The following BLTP1 variants were observed in gnomAD, a reference collection of about 807,000 sequenced individuals.
The protein encoded by BLTP1 is bridge-like lipid transfer protein family member 1.
chr4:122,308,769 A>G, the BLTP1 span, among the ~76,000 whole-genome samples: 1 of 152,164 alleles, frequency 6.6e-6, no homozygotes, highest in Non-Finnish European at 1.5e-5. Flanking sequence ...ACAATAGCAT[A>G]TAGAGATCTA....
At chr4:122,336,451 A>T in the BLTP1 span, 2 of 789,736 alleles carry the variant, frequency 2.5e-6, no homozygotes, top group Non-Finnish European at 3.7e-6. Flanking sequence ...TACATAATAT[A>T]TGCAATTATA....
At chr4:122,206,551 T>C in the BLTP1 span, among the ~76,000 whole-genome samples, 1 of 151,894 alleles carries the variant, frequency 6.6e-6, no homozygotes, top group African/African-American at 2.4e-5. Context: ...ATGTAAAATA[T>C]CTTTTACAAA....
chr4:122,316,286 T>C, the BLTP1 span: 13 of 410,906 alleles, frequency 3.2e-5, no homozygotes, highest in Non-Finnish European at 5.5e-5. Flanking sequence ...TATTATACCA[T>C]GAAATAGTTT....
At chr4:122,258,175 A>T in the BLTP1 span, among the ~76,000 whole-genome samples, 1 of 152,174 alleles carries the variant, frequency 6.6e-6, no homozygotes, top group South Asian at 2.1e-4. Context: ...TATTATCATG[A>T]CCTATCATAT....
At chr4:122,325,897 C>A in the BLTP1 span, 3 of 1,162,090 alleles carry the variant, frequency 2.6e-6, no homozygotes, top group Non-Finnish European at 3.4e-6. Flanking sequence ...ATCCAGCTGT[C>A]CTGGGGAAGG....
the BLTP1 span, chr4:122,182,995 A>G: frequency 2.0e-6 from 2 of 984,932 alleles, no homozygotes; most frequent in South Asian, 4.7e-5. Flanking sequence ...CATTTTAATG[A>G]GATGTAATAT....
chr4:122,162,542 A>C, the BLTP1 span: 3 of 985,402 alleles, frequency 3.0e-6, no homozygotes, highest in South Asian at 1.4e-4. Flanking sequence ...AGTTAATCAA[A>C]TCTTGCTGAG....
chr4:122,224,361 A>T, the BLTP1 span: 1 of 932,830 alleles, frequency 1.1e-6, no homozygotes, highest in Non-Finnish European at 1.6e-6. Context: ...AGGTTGTGTT[A>T]GGAGCTTGTG....
At chr4:122,335,708 C>G in the BLTP1 span, among the ~76,000 whole-genome samples, 11 of 152,054 alleles carry the variant, frequency 7.2e-5, no homozygotes, top group Admixed American at 3.9e-4. Context: ...TTAGCCAAAG[C>G]TAACTAAGTC....
At chr4:122,231,894 T>C in the BLTP1 span, 1 of 840,758 alleles carries the variant, frequency 1.2e-6, no homozygotes, top group African/African-American at 1.8e-5. Flanking sequence ...ACATTAATCT[T>C]TTAAATTAAT....
chr4:122,259,983 T>C, the BLTP1 span: 1 of 772,056 alleles, frequency 1.3e-6, no homozygotes. Context: ...AAGTAATATA[T>C]AGTCATGCAT....
At chr4:122,247,894 G>T in the BLTP1 span, 40 of 968,614 alleles carry the variant, frequency 4.1e-5, no homozygotes, top group African/African-American at 6.7e-4. Context: ...TTATCATTTA[G>T]ATGCTTAAAT....
chr4:122,342,606 G>A, the BLTP1 span, among the ~76,000 whole-genome samples: 1 of 152,028 alleles, frequency 6.6e-6, no homozygotes, highest in Admixed American at 6.6e-5. Context: ...TGCCCACTTC[G>A]GCCTCCCAGA....
the BLTP1 span, chr4:122,193,540 A>G: frequency 2.4e-6 from 1 of 411,600 alleles, no homozygotes; most frequent in Non-Finnish European, 3.3e-6. Flanking sequence ...TTTTTAATAT[A>G]TTATGAACAT....
At chr4:122,175,007 A>C in the BLTP1 span, 2 of 928,954 alleles carry the variant, frequency 2.2e-6, no homozygotes, top group Non-Finnish European at 2.6e-6. Flanking sequence ...GCTCCTTATT[A>C]GAGATAATAA....
At chr4:122,256,935 T>C in the BLTP1 span, 2 of 178,098 alleles carry the variant, frequency 1.1e-5, no homozygotes, top group African/African-American at 4.8e-5. Context: ...TTGGGCAAAA[T>C]AAGTAAAGTT....
At chr4:122,216,871 A>G in the BLTP1 span, among the ~76,000 whole-genome samples, 1 of 151,922 alleles carries the variant, frequency 6.6e-6, no homozygotes, top group South Asian at 2.1e-4. Context: ...TTCTGATGTT[A>G]TCTTAGAATT....
chr4:122,251,598 C>G, the BLTP1 span: 4 of 984,910 alleles, frequency 4.1e-6, no homozygotes, highest in African/African-American at 7.0e-5. Flanking sequence ...TGAGAAAAGC[C>G]TAGCTGTTCT....
the BLTP1 span, chr4:122,257,108 C>G: frequency 1.2e-6 from 1 of 806,914 alleles, no homozygotes; most frequent in Non-Finnish European, 1.9e-6. Flanking sequence ...TCTTGGGTAA[C>G]TTTGAACAAA....
Sources: gnomAD v4.1 joint callset for allele counts (sites outside exome capture counted in the v4.1 genomes callset) on GRCh38, gnomAD v4.1.1 for gene constraint, MANE v1.5 for transcripts, NCBI Gene and HGNC (gene_info 2026-07-23, HGNC 2026-07-21) for gene names.